Variants in FBXW12 observed in about 807,000 individuals in gnomAD.
The protein encoded by FBXW12 is F-box/WD repeat-containing protein 12.
FBXW12 carries 43 observed loss-of-function variants against 55.3 expected under a neutral mutation model. That is an observed-to-expected ratio of 0.78 (90% confidence interval 0.61 to 1.00). FBXW12 has a LOEUF of 1.00. Among genes scored for constraint, FBXW12 ranks in the 50% least tolerant of loss-of-function variants. The pLI is 0.00. For missense variants in FBXW12, 524 were observed against 560.5 expected, an observed-to-expected ratio of 0.93 and a Z score of 0.66; for synonymous variants, 184 against 203.8, an observed-to-expected ratio of 0.90 and a Z score of 0.83.
intron 4 of FBXW12, among the ~76,000 whole-genome samples, chr3:48,374,764 CTTT>C (rs66751439): frequency 1.2e-5 from 1 of 82,676 alleles, no homozygotes. Flanking sequence ...CCTGATAACA[CTTT>C]TTTTTTTTTT....
chr3:48,380,813 A>G lies in FBXW12; in HGVS notation c.886A>G (p.Arg296Gly). The change falls in exon 8 of 11, where the codon AGG becomes GGG. Residue 296 changes from arginine to glycine, a missense_variant. Arg to Gly is a moderately radical substitution (Grantham distance 125, BLOSUM62 -2). Coordinates refer to ENST00000296438, the MANE Select transcript of FBXW12 (RefSeq NM_207102.2). ...SACWTPKVKN[R>G]ITLMSQSSTG... ...CTGCTGGACCCCAAAGGTGAAAAACAGGATAACACTGATGTCCCAAAGTAG... is the reference window on the plus strand; with the variant it reads ...CTGCTGGACCCCAAAGGTGAAAAACGGGATAACACTGATGTCCCAAAGTAG... 6.2e-7 allele frequency: 1 copy of G among 1,614,198 alleles called. No homozygotes were observed. The highest frequency in any genetic ancestry group is 8.5e-7 in the Non-Finnish European group (1 of 1,180,014).
chr3:48,372,653 A>G lies in FBXW12; in HGVS notation c.-84-31A>G, dbSNP rs568126238. The stretch of plus-strand genomic sequence containing the variant: ...CACCTGCAGCTTGTTTCTACCGCAC[A>G]CAGATGGGCATGGGTGAAAATCTTT... On this transcript the variant is annotated intron_variant, in intron 1 of 10. Coordinates refer to ENST00000296438, the MANE Select transcript of FBXW12 (RefSeq NM_207102.2). 5.0e-6 allele frequency: 8 copies of G among 1,592,500 alleles called. No individual in the cohort carries two copies. In the South Asian group the frequency reaches 9.1e-5, roughly 18 times the overall value.
At chr3:48,393,433 A>G (rs1459087221) in intron 10 of FBXW12, among the ~76,000 whole-genome samples, 3 of 152,186 alleles carry the variant, frequency 2.0e-5, no homozygotes, top group African/African-American at 7.2e-5. Context: ...GATGGTCAAC[A>G]GGGTACTAAC....
intron 10 of FBXW12, among the ~76,000 whole-genome samples, chr3:48,392,450 C>CA (rs33965777): frequency 0.042 from 3,011 of 72,524 alleles, 168 homozygotes; most frequent in Non-Finnish European, 0.057. Context: ...CACTCAGTCT[C>CA]AAAAAAAAAA....
intron 10 of FBXW12, among the ~76,000 whole-genome samples, chr3:48,385,599 T>G (rs1261022416): frequency 3.9e-5 from 6 of 152,186 alleles, no homozygotes; most frequent in African/African-American, 1.2e-4. Context: ...GGAACTTTCA[T>G]GTTGTTTTCC....
Position 48,379,443 on chromosome 3 carries a change from G to A in FBXW12, c.659G>A (p.Gly220Glu), listed in dbSNP as rs903650618. ...AGDIYTFTLPGLRDVSKVTAF... is the reference protein window; with the variant it reads ...AGDIYTFTLPELRDVSKVTAF... ...GACATCTACACATTTACACTGCCTG[G>A]GTTAAGAGATGTTTCTAAAGTTACT... The change falls in exon 7 of 11, where the codon GGG becomes GAG. Residue 220 changes from glycine to glutamate, a missense_variant. Gly to Glu is a moderately conservative substitution (Grantham distance 98). Coordinates refer to ENST00000296438, the MANE Select transcript of FBXW12 (RefSeq NM_207102.2). 6.2e-7 allele frequency: 1 copy of A among 1,614,022 alleles called. No homozygotes were observed. Among genetic ancestry groups the A allele is most frequent in the African/African-American group, 1.3e-5 (1 of 74,916 alleles).
chr3:48,381,028 T>C, intron 8 of FBXW12, 116 bp downstream of exon 8: 1 of 847,718 alleles, frequency 1.2e-6, no homozygotes, highest in Non-Finnish European at 1.8e-6. Flanking sequence ...TCTAGTTTTT[T>C]TTTTTTTTTT....
chr3:48,393,438 A>G (rs72925207), intron 10 of FBXW12, among the ~76,000 whole-genome samples: 5,766 of 152,208 alleles, frequency 0.038, 384 homozygotes, highest in African/African-American at 0.13. Context: ...TCAACAGGGT[A>G]CTAACCCTAC....
At chr3:48,388,494 T>G (rs1377137036) in intron 10 of FBXW12, among the ~76,000 whole-genome samples, 1 of 152,260 alleles carries the variant, frequency 6.6e-6, no homozygotes, top group Admixed American at 6.5e-5. Flanking sequence ...CTTTTGTTTT[T>G]GTGTAATGTC....
At chr3:48,393,280 G>A (rs984390927) in intron 10 of FBXW12, among the ~76,000 whole-genome samples, 1 of 152,180 alleles carries the variant, frequency 6.6e-6, no homozygotes, top group African/African-American at 2.4e-5. Flanking sequence ...ACAGAAGTGA[G>A]CCATCACACC....
At chr3:48,392,488 CATG>C (rs1560035694) in intron 10 of FBXW12, among the ~76,000 whole-genome samples, 2 of 147,010 alleles carry the variant, frequency 1.4e-5, no homozygotes, top group Non-Finnish European at 3.0e-5. Context: ...CCACAAGAAC[CATG>C]ATGTTTTGAT....
intron 10 of FBXW12, among the ~76,000 whole-genome samples, chr3:48,393,871 C>T (rs1264937522): frequency 2.0e-5 from 3 of 151,524 alleles, no homozygotes; most frequent in Non-Finnish European, 2.9e-5. Context: ...CTCCGCCTCC[C>T]GGGTTCAAGC....
intron 7 of FBXW12, among the ~76,000 whole-genome samples, chr3:48,380,426 C>T (rs1408481167): frequency 6.6e-6 from 1 of 152,168 alleles, no homozygotes; most frequent in Non-Finnish European, 1.5e-5. Context: ...GCTTAGCCAA[C>T]CTCAACTTGA....
intron 10 of FBXW12, among the ~76,000 whole-genome samples, chr3:48,386,242 G>T (rs1224023777): frequency 6.6e-6 from 1 of 152,124 alleles, no homozygotes; most frequent in Non-Finnish European, 1.5e-5. Context: ...GCCATTTGTT[G>T]AAGAGCATGT....
rs755221960 is a variant in FBXW12 at position 48,378,400 on chromosome 3, T to C, written c.489T>C (p.Thr163=). Residue 163 remains threonine, a synonymous_variant, in exon 6 of 11, where the codon ACT becomes ACC. Coordinates refer to ENST00000296438, the MANE Select transcript of FBXW12 (RefSeq NM_207102.2). ...VTLPQMHLAI[T]MDRKKTIKVW... ...TCCCTCAGATGCATCTCGCCATCACTATGGATCGGAAAAAAACTATCAAAG... is the reference window on the plus strand; with the variant it reads ...TCCCTCAGATGCATCTCGCCATCACCATGGATCGGAAAAAAACTATCAAAG... The C allele has an allele frequency of 9.9e-6, 16 of 1,613,896 alleles. No homozygotes were observed. The highest frequency in any genetic ancestry group is 1.4e-5 in the Non-Finnish European group (16 of 1,180,008).
rs747333071 is a variant in FBXW12 at position 48,381,979 on chromosome 3, T to C, written c.1189T>C (p.Ser397Pro). ...WVDPCYVLTT[S>P]ENSVHVYMWE... ...GGATCCTTGCTATGTGCTCACCACA[T>C]CCGAGAACTCTGTGCACGTGTACAT... Residue 397 changes from serine to proline, a missense_variant, in exon 10 of 11, where the codon TCC (serine) becomes CCC (proline). Physicochemically the swap from Ser to Pro is moderately conservative, Grantham distance 74. Coordinates refer to ENST00000296438, the MANE Select transcript of FBXW12 (RefSeq NM_207102.2). 5.6e-6 allele frequency: 9 copies of C among 1,614,134 alleles called. No individual in the cohort carries two copies. The highest frequency in any genetic ancestry group is 7.6e-6 in the Non-Finnish European group (9 of 1,180,014).
Position 48,382,046 on chromosome 3 carries a change from G to A in FBXW12, c.1256G>A (p.Cys419Tyr). The A allele has an allele frequency of 6.2e-7, 1 of 1,614,160 alleles. No individual in the cohort carries two copies. The highest frequency in any genetic ancestry group is 8.5e-7 in the Non-Finnish European group (1 of 1,180,036). ...GGRHPYLRSC[C>Y]HLENTWHDHT... ...CGCCATCCATACCTCAGGAGCTGCTGTCACCTGGAAAACACGTGGCATGAT... is the reference window on the plus strand; with the variant it reads ...CGCCATCCATACCTCAGGAGCTGCTATCACCTGGAAAACACGTGGCATGAT... The change falls in exon 10 of 11, where the codon TGT becomes TAT. Residue 419 changes from cysteine (C) to tyrosine (Y), a missense_variant. Cys to Tyr is a radical substitution (Grantham distance 194). Coordinates refer to ENST00000296438, the MANE Select transcript of FBXW12 (RefSeq NM_207102.2).
chr3:48,394,523 CTT>C (rs767519667), intron 10 of FBXW12, 35 bp from the exon 11 acceptor site: 225 of 1,228,164 alleles, frequency 1.8e-4, no homozygotes, highest in Non-Finnish European at 2.3e-4. Flanking sequence ...CCTACTTTCT[CTT>C]TTGTTCACTG....
chr3:48,392,489 A>T (rs973064647), intron 10 of FBXW12, among the ~76,000 whole-genome samples: 1 of 149,532 alleles, frequency 6.7e-6, no homozygotes, highest in Non-Finnish European at 1.5e-5. Flanking sequence ...CACAAGAACC[A>T]TGATGTTTTG....
Sources: gnomAD v4.1 joint callset for allele counts (sites outside exome capture counted in the v4.1 genomes callset) on GRCh38, gnomAD v4.1.1 for gene constraint, MANE v1.5 for transcripts, NCBI Gene and HGNC (gene_info 2026-07-23, HGNC 2026-07-21) for gene names.